Variants in PACS2 observed in about 807,000 individuals in gnomAD.
The protein encoded by PACS2 is PACS1-like protein.
A neutral mutation model predicts 113.0 loss-of-function variants in PACS2; 36 were observed. The ratio of observed to expected loss-of-function variants is 0.32; its 90% CI spans 0.24 to 0.42. The LOEUF is 0.42. Among genes scored for constraint, PACS2 ranks in the 10% least tolerant of loss-of-function variants. PACS2 has a pLI of 1.00. For synonymous variants in PACS2, 589 were observed against 536.1 expected (o/e 1.10, Z -1.36); for missense variants, 1,015 against 1,239.5 (o/e 0.82, Z 2.72).
rs1336871224 is a variant in PACS2, at chr14:105,354,981, G to A, written c.298-71G>A. On this transcript the variant is annotated intron_variant, in intron 3 of 24. Coordinates refer to ENST00000447393, the MANE Select transcript of PACS2 (RefSeq NM_001100913.3). The surrounding 1 kb of genome is among the most constrained non-coding windows in gnomAD (Gnocchi z 4.2). ...TGGTCGCAGGCTGCAGGGTGGCTGG[G>A]CCGTCAGAGGCCGTGATGCTGCCTG... The A allele has an allele frequency of 1.8e-5, 28 of 1,531,712 alleles. No individual in the cohort carries two copies. Among genetic ancestry groups the A allele is most frequent in the Non-Finnish European group, 2.3e-5 (26 of 1,124,486 alleles). 94.9% of individuals were successfully genotyped at this position (1,531,712 alleles called of 1,614,324 possible).
intron 1 of PACS2, chr14:105,301,321 G>A (rs1467156564): frequency 6.7e-6 from 1 of 148,624 alleles, no homozygotes; most frequent in Non-Finnish European, 1.5e-5. Context: ...GGCTGAGGGT[G>A]GGGGGCGGGG....
At chr14:105,359,858 T>C (rs1245842631) in intron 4 of PACS2, among the ~76,000 whole-genome samples, 2 of 152,238 alleles carry the variant, frequency 1.3e-5, no homozygotes, top group Non-Finnish European at 2.9e-5. Flanking sequence ...CCCAAAGTGC[T>C]GGGATTACAG....
At position 105,356,198 on chromosome 14, in the gene PACS2, T is replaced by C. The variant is rs2060439262; in HGVS notation, c.423+1021T>C. On this transcript the variant is annotated intron_variant, in intron 4 of 24. Coordinates refer to ENST00000447393, the MANE Select transcript of PACS2 (RefSeq NM_001100913.3). The surrounding 1 kb of genome is among the most constrained non-coding windows in gnomAD (Gnocchi z 4.0). ...AGGCCCAGCCTGCAGGCCTCCTGTC[T>C]CCCAGGTCAAGCGCTAGGTCCCCCA... is the stretch of plus-strand genomic sequence containing the variant. 6.6e-6 allele frequency among the ~76,000 whole-genome samples: 1 copy of C among 152,014 alleles called. No homozygotes were observed. The highest frequency in any genetic ancestry group is 1.5e-5 in the Non-Finnish European group (1 of 67,976).
In PACS2 at chr14:105,385,771, G is replaced by A. The variant is rs1396784006; in HGVS notation, c.2033+54G>A. ...CTGTCTGTCCCCAGGCTGGTCTTCA[G>A]GGCTTGTTTGGCAGAGTCACGTAGG... is the stretch of plus-strand genomic sequence containing the variant. On this transcript the variant is annotated intron_variant, in intron 19 of 24. Coordinates refer to ENST00000447393, the MANE Select transcript of PACS2 (RefSeq NM_001100913.3). 3.3e-6 allele frequency: 4 copies of A among 1,209,768 alleles called. No individual in the cohort carries two copies. In the African/African-American group the frequency reaches 6.1e-5, roughly 18 times the overall value. The allele number at this position is 1,209,768 out of a possible 1,614,324, so 74.9% of individuals were successfully genotyped here.
chr14:105,380,233 G>A, intron 11 of PACS2, 79 bp downstream of exon 11: 2 of 1,251,216 alleles, frequency 1.6e-6, no homozygotes, highest in African/African-American at 1.5e-5. Context: ...GACCTGGAGG[G>A]GCGGGGCCCA....
At chr14:105,339,510 A>T (rs76770952) in intron 1 of PACS2, among the ~76,000 whole-genome samples, 49 of 107,094 alleles carry the variant, frequency 4.6e-4, no homozygotes, top group Admixed American at 2.2e-3. Context: ...CTGTCTCTAT[A>T]AAAAAAAAAA....
intron 7 of PACS2, 38 bp from the exon 8 acceptor site, chr14:105,369,803 C>T: frequency 6.6e-7 from 1 of 1,523,640 alleles, no homozygotes; most frequent in Non-Finnish European, 8.8e-7. Flanking sequence ...GTCTGCAGCT[C>T]TGGCGGCGGC....
chr14:105,382,891 A>T lies in PACS2; in HGVS notation c.1603A>T (p.Ile535Phe). The change falls in exon 15 of 25, where the codon ATC (isoleucine) becomes TTC (phenylalanine). Residue 535 changes from isoleucine to phenylalanine, a missense_variant. By Grantham distance (21) the Ile-to-Phe change is conservative. Around this residue, in one of 3 missense-constraint regions of PACS2, gnomAD observed 859 missense variants for 1,056.8 expected, o/e 0.81. Coordinates refer to ENST00000447393, the MANE Select transcript of PACS2 (RefSeq NM_001100913.3). ...PADVQAAFSTIVSRIQRYCNC... is the reference protein window; with the variant it reads ...PADVQAAFSTFVSRIQRYCNC... ...GGACGTCCAGGCGGCCTTCAGCACC[A>T]TCGTCTCACGGATACAGAGATAGTG... The T allele has an allele frequency of 6.2e-7, 1 of 1,603,434 alleles. No individual in the cohort carries two copies. Among genetic ancestry groups the T allele is most frequent in the East Asian group, 2.2e-5 (1 of 44,866 alleles).
intron 1 of PACS2, among the ~76,000 whole-genome samples, chr14:105,322,242 ATTTTTAT>A (rs1000543682): frequency 1.4e-5 from 2 of 142,974 alleles, no homozygotes; most frequent in South Asian, 2.3e-4. Flanking sequence ...GCCTTTTTTT[ATTTTTAT>A]TTTTTATTTT....
chr14:105,305,165 C>T (rs968771611), intron 1 of PACS2, among the ~76,000 whole-genome samples: 17 of 152,106 alleles, frequency 1.1e-4, no homozygotes, highest in Admixed American at 1.0e-3. Context: ...CTTTGGGAGG[C>T]TGAGGAGGGA....
chr14:105,339,506 C>T (rs1199210587), intron 1 of PACS2, among the ~76,000 whole-genome samples: 3 of 132,062 alleles, frequency 2.3e-5, no homozygotes, highest in African/African-American at 1.1e-4. Flanking sequence ...AACTCTGTCT[C>T]TATAAAAAAA....
rs587655593 is a variant in PACS2, at chr14:105,390,730, G to A, written c.2077-477G>A. The A allele has an allele frequency of 3.7e-5, 7 of 187,920 alleles. No homozygotes were observed. The South Asian group carries it at 5.4e-4, about 15-fold the overall frequency. 11.6% of individuals were successfully genotyped at this position (187,920 alleles called of 1,614,324 possible). A position where few individuals can be genotyped will look rare whatever the true frequency, so the allele number is the denominator to read the frequency against. ...GAGGGTGGAATTCGTCTTGAACAGC[G>A]GCTGCCCAAAGAGCTTTCTCCGGTG... On this transcript the variant is annotated intron_variant, in intron 20 of 24. Transcript: ENST00000447393.
At chr14:105,335,002 G>C (rs1018492791) in intron 1 of PACS2, among the ~76,000 whole-genome samples, 1 of 152,248 alleles carries the variant, frequency 6.6e-6, no homozygotes, top group Non-Finnish European at 1.5e-5. Flanking sequence ...TGTTGGGCTG[G>C]ACGTGTAGGA....
At chr14:105,385,915 G>A (rs782021592) in intron 19 of PACS2, among the ~76,000 whole-genome samples, 198 bp downstream of exon 19, 9 of 152,180 alleles carry the variant, frequency 5.9e-5, no homozygotes, top group Non-Finnish European at 1.3e-4. Context: ...TTTTGCTGAC[G>A]TGGACCCTTT....
Position 105,368,464 on chromosome 14 carries a change from G to A in PACS2, c.666G>A (p.Leu222=), listed in dbSNP as rs1178585046. The change falls in exon 7 of 25, where the codon TTG becomes TTA. Residue 222 remains leucine (L), a synonymous_variant. Transcript: ENST00000447393. ...CACTGCATATGTCTCTGCAGGACTT[G>A]GACGAGGACGACTTTGACGTGGGGA... ...ASDDAVQGQD[L]DEDDFDVGKP... The A allele has an allele frequency of 6.2e-7, 1 of 1,613,530 alleles. No individual in the cohort carries two copies. The highest frequency in any genetic ancestry group is 8.5e-7 in the Non-Finnish European group (1 of 1,179,674).
At chr14:105,360,939 C>G (rs587690579) in intron 4 of PACS2, among the ~76,000 whole-genome samples, 2 of 152,164 alleles carry the variant, frequency 1.3e-5, no homozygotes, top group African/African-American at 4.8e-5. Flanking sequence ...AAACCACTTT[C>G]GTTGCTCATC....
At chr14:105,332,302 TC>T (rs2059331641) in intron 1 of PACS2, among the ~76,000 whole-genome samples, 1 of 152,184 alleles carries the variant, frequency 6.6e-6, no homozygotes, top group African/African-American at 2.4e-5. Context: ...ACAGTGGTCC[TC>T]CCCTCTGTGG....
At chr14:105,367,022 G>A (rs1303186232) in intron 4 of PACS2, among the ~76,000 whole-genome samples, 191 bp from the exon 5 acceptor site, 2 of 152,084 alleles carry the variant, frequency 1.3e-5, no homozygotes, top group East Asian at 1.9e-4. Context: ...TCCTCCTCTC[G>A]TATCTGTCCC....
rs1327014676 is a variant in PACS2, at chr14:105,354,207, G to A, written c.298-845G>A. Among the ~76,000 whole-genome samples, 2 of 152,148 alleles carry A rather than the reference G, an allele frequency of 1.3e-5. No individual in the cohort carries two copies. The highest frequency in any genetic ancestry group is 2.4e-5 in the African/African-American group (1 of 41,426). The stretch of plus-strand genomic sequence containing the variant: ...AGTTCACAAGCAATCCCAGCTCTTC[G>A]GGAGGCTGAGGCAGGAGGATTGCTT... On this transcript the variant is annotated intron_variant, in intron 3 of 24. Transcript: ENST00000447393. The surrounding 1 kb of genome is among the most constrained non-coding windows in gnomAD (Gnocchi z 4.2).
Sources: gnomAD v4.1 joint callset for allele counts (sites outside exome capture counted in the v4.1 genomes callset) on GRCh38, gnomAD v4.1.1 for gene constraint, gnomAD v4.1.1 regional missense constraint, Gnocchi (gnomAD v3.1) non-coding constraint, MANE v1.5 for transcripts, NCBI Gene and HGNC (gene_info 2026-07-23, HGNC 2026-07-21) for gene names.